Variants in CDADC1 observed in about 807,000 individuals in gnomAD.
CDADC1 encodes the protein dCTP deaminase.
CDADC1 carries 39 observed loss-of-function variants against 54.9 expected under a neutral mutation model. The observed-to-expected ratio is 0.71, with a 90% confidence interval of 0.55 to 0.93. The LOEUF (loss-of-function observed/expected upper bound fraction) is 0.93. Among genes scored for constraint, CDADC1 ranks in the 40% least tolerant of loss-of-function variants. The probability of loss-of-function intolerance (pLI) is 0.00; values close to 1 mark genes in which losing one functional copy is unlikely to be tolerated. For missense variants in CDADC1, 518 were observed against 618.8 expected (o/e 0.84, Z 1.73); for synonymous variants, 186 against 204.0 (o/e 0.91, Z 0.75).
chr13:49,281,159 T>C (rs1953322298), intron 8 of CDADC1, among the ~76,000 whole-genome samples: 1 of 152,130 alleles, frequency 6.6e-6, no homozygotes, highest in Non-Finnish European at 1.5e-5. Flanking sequence ...ATTATTATTA[T>C]TGAGTTTATT....
chr13:49,280,210 G>T (rs1000110453), intron 7 of CDADC1, among the ~76,000 whole-genome samples: 5 of 151,968 alleles, frequency 3.3e-5, no homozygotes, highest in Admixed American at 3.3e-4. Flanking sequence ...TCTTTCTTTG[G>T]TGTCTGTATC....
chr13:49,280,186 G>A (rs1458338358), intron 7 of CDADC1, among the ~76,000 whole-genome samples: 3 of 152,028 alleles, frequency 2.0e-5, no homozygotes, highest in African/African-American at 7.2e-5. Flanking sequence ...AGAAAGCATT[G>A]GGGGTTTTTT....
At chr13:49,251,279 G>C (rs1012596982) in intron 2 of CDADC1, among the ~76,000 whole-genome samples, 1 of 151,718 alleles carries the variant, frequency 6.6e-6, no homozygotes, top group Non-Finnish European at 1.5e-5. Context: ...GTGGTGGTGC[G>C]TGCCTGTAGT....
intron 6 of CDADC1, 70 bp downstream of exon 6, chr13:49,274,410 A>G (rs1953046745): frequency 3.2e-6 from 4 of 1,251,948 alleles, no homozygotes; most frequent in Non-Finnish European, 4.6e-6. Flanking sequence ...TCTTCGGTGC[A>G]TTACAGGTTA....
Position 49,291,743 on chromosome 13 carries a change from C to T in CDADC1, c.1531C>T (p.Leu511Phe), listed in dbSNP as rs1455753182. 6.2e-7 allele frequency: 1 copy of T among 1,614,048 alleles called. No homozygotes were observed. The highest frequency in any genetic ancestry group is 8.5e-7 in the Non-Finnish European group (1 of 1,179,976). ...EEQHQDKKLR[L>F]GIH ...GCAGCACCAGGACAAGAAGCTGCGC[C>T]TCGGAATCCACTAAGAAGGCCTGTC... The change falls in exon 10 of 10, where the codon CTC (leucine) becomes TTC (phenylalanine). Residue 511 changes from leucine to phenylalanine, a missense_variant. By Grantham distance (22) the Leu-to-Phe change is conservative. Transcript: ENST00000251108.
At chr13:49,285,679 G>T (rs1304355015) in intron 8 of CDADC1, among the ~76,000 whole-genome samples, 1 of 152,162 alleles carries the variant, frequency 6.6e-6, no homozygotes, top group Non-Finnish European at 1.5e-5. Flanking sequence ...CAATTAAAAT[G>T]AATGTAAAGA....
intron 8 of CDADC1, among the ~76,000 whole-genome samples, chr13:49,281,742 AC>A: frequency 6.6e-6 from 1 of 152,080 alleles, no homozygotes; most frequent in Non-Finnish European, 1.5e-5. Context: ...ACACACACAA[AC>A]ACACACATTT....
chr13:49,274,773 C>A (rs1953059854), intron 6 of CDADC1, among the ~76,000 whole-genome samples: 1 of 152,156 alleles, frequency 6.6e-6, no homozygotes, highest in South Asian at 2.1e-4. Context: ...ATTCATTCAG[C>A]AAACATTTGT....
intron 4 of CDADC1, chr13:49,265,913 G>A: frequency 7.7e-7 from 1 of 1,303,374 alleles, no homozygotes; most frequent in Non-Finnish European, 1.0e-6. Context: ...CTAGATGAAA[G>A]GTTTACCATC....
chr13:49,266,854 G>A (rs2138218438), intron 4 of CDADC1, among the ~76,000 whole-genome samples: 1 of 152,280 alleles, frequency 6.6e-6, no homozygotes, highest in African/African-American at 2.4e-5. Context: ...ATGCATGGAA[G>A]AGGTATTTAT....
chr13:49,281,971 G>T (rs909874456), intron 8 of CDADC1, among the ~76,000 whole-genome samples: 4 of 120,784 alleles, frequency 3.3e-5, no homozygotes, highest in African/African-American at 1.3e-4. Context: ...ACGCCACCAT[G>T]CCCAGCTAAT....
intron 9 of CDADC1, among the ~76,000 whole-genome samples, chr13:49,290,373 CTGTATTA>C (rs754962335): frequency 2.6e-4 from 40 of 151,794 alleles, no homozygotes; most frequent in Non-Finnish European, 5.2e-4. Context: ...GAACTCCCAT[CTGTATTA>C]TGTATGTATT....
At chr13:49,264,922 G>A (rs992552150) in intron 4 of CDADC1, among the ~76,000 whole-genome samples, 1 of 152,098 alleles carries the variant, frequency 6.6e-6, no homozygotes, top group African/African-American at 2.4e-5. Context: ...ACTGAGGCTG[G>A]GAGACATTAT....
In CDADC1 at chr13:49,259,545, T is replaced by C. The variant is rs375392393; in HGVS notation, c.430+22T>C. The C allele has an allele frequency of 1.1e-5, 17 of 1,610,530 alleles. No homozygotes were observed. In the African/African-American group the frequency reaches 2.1e-4, roughly 20 times the overall value. On this transcript the variant is annotated intron_variant, in intron 4 of 9. Coordinates refer to ENST00000251108, the MANE Select transcript of CDADC1 (RefSeq NM_030911.4). ...AATGGTAAGTGCAGAAAAGGGTTTGTTGGGGATTAAGAGTATTTATCTGGG... is the reference window on the plus strand; with the variant it reads ...AATGGTAAGTGCAGAAAAGGGTTTGCTGGGGATTAAGAGTATTTATCTGGG...
intron 5 of CDADC1, among the ~76,000 whole-genome samples, chr13:49,271,322 C>CT (rs1182296599): frequency 1.3e-5 from 2 of 152,188 alleles, no homozygotes; most frequent in Non-Finnish European, 2.9e-5. Context: ...TATCTATCTG[C>CT]TTTAAGTACT....
At position 49,248,968 on chromosome 13, in the gene CDADC1, A is replaced by G. The variant is rs376028706; in HGVS notation, c.177+3A>G. 6.3e-7 allele frequency: 1 copy of G among 1,580,684 alleles called. No individual in the cohort carries two copies. The highest frequency in any genetic ancestry group is 8.7e-7 in the Non-Finnish European group (1 of 1,149,684). The stretch of plus-strand genomic sequence containing the variant: ...AAGCCCAGCGGCAAAAATCTCAGGT[A>G]TAATTTGTTTCATAGTTTTTCCCCT... On this transcript the variant is annotated splice_donor_region_variant and intron_variant, in intron 2 of 9. Coordinates refer to ENST00000251108, the MANE Select transcript of CDADC1 (RefSeq NM_030911.4).
intron 8 of CDADC1, among the ~76,000 whole-genome samples, chr13:49,283,828 C>T (rs1351354309): frequency 2.0e-5 from 3 of 152,186 alleles, no homozygotes; most frequent in Non-Finnish European, 4.4e-5. Flanking sequence ...GATGAGCTGT[C>T]CATCTTCTCA....
intron 5 of CDADC1, among the ~76,000 whole-genome samples, chr13:49,268,498 C>T (rs868204084): frequency 6.6e-6 from 1 of 151,922 alleles, no homozygotes; most frequent in Non-Finnish European, 1.5e-5. Flanking sequence ...TCGACTCTAA[C>T]AAAAAAATTA....
At chr13:49,286,664 T>C (rs1329102810) in intron 9 of CDADC1, among the ~76,000 whole-genome samples, 1 of 152,180 alleles carries the variant, frequency 6.6e-6, no homozygotes, top group Non-Finnish European at 1.5e-5. Flanking sequence ...GATGAGGATA[T>C]ATACATTCTT....
Sources: gnomAD v4.1 joint callset for allele counts (sites outside exome capture counted in the v4.1 genomes callset) on GRCh38, gnomAD v4.1.1 for gene constraint, MANE v1.5 for transcripts, NCBI Gene and HGNC (gene_info 2026-07-23, HGNC 2026-07-21) for gene names.